Variants in CSPP1 observed in about 807,000 individuals in gnomAD.
CSPP1 encodes centrosome and spindle pole associated protein 1.
In CSPP1, 126 loss-of-function variants were observed where a neutral mutation model predicts 164.4. That is an observed-to-expected ratio of 0.77 (90% CI 0.66 to 0.89). The LOEUF (loss-of-function observed/expected upper bound fraction) is 0.89. Among genes scored for constraint, CSPP1 ranks in the 40% least tolerant of loss-of-function variants. CSPP1 has a pLI of 0.00. For missense variants in CSPP1, 1,395 were observed against 1,449.8 expected (o/e 0.96, Z 0.61); for synonymous variants, 472 against 476.7 (o/e 0.99, Z 0.13).
At chr8:67,183,878 A>T (rs113168267) in intron 28 of CSPP1, among the ~76,000 whole-genome samples, 3,786 of 139,986 alleles carry the variant, frequency 0.027, 119 homozygotes, top group African/African-American at 0.076. Flanking sequence ...TTTTAGACAA[A>T]GTCTTGCTGT....
intron 27 of CSPP1, 70 bp downstream of exon 27, chr8:67,177,796 A>G: frequency 9.6e-7 from 1 of 1,041,402 alleles, no homozygotes; most frequent in Admixed American, 1.7e-5. Context: ...TATGATGATC[A>G]AGTAATTCAA....
chr8:67,064,616 A>C (rs1330669519), intron 1 of CSPP1, 78 bp downstream of exon 1: 1 of 1,117,702 alleles, frequency 8.9e-7, no homozygotes, highest in East Asian at 6.8e-5. Context: ...GGGCAGGGGC[A>C]GTGGCTCCCT....
rs748995145 is a variant in CSPP1 at position 67,179,911 on chromosome 8, G to A, written c.3205G>A (p.Asp1069Asn). ...CTTGAAAAACTCATTATTGGAATCTGATAGTGCTTTTATTGGTGAGTATAT... is the reference window on the plus strand; with the variant it reads ...CTTGAAAAACTCATTATTGGAATCTAATAGTGCTTTTATTGGTGAGTATAT... ...DFLKNSLLESDSAFIGAYGET... is the reference protein window; with the variant it reads ...DFLKNSLLESNSAFIGAYGET... Residue 1069 changes from aspartate to asparagine, a missense_variant, in exon 28 of 31, where the codon GAT becomes AAT. Transcript: ENST00000678616. The A allele has an allele frequency of 6.4e-7, 1 of 1,573,376 alleles. No homozygotes were observed. Among genetic ancestry groups the A allele is most frequent in the Non-Finnish European group, 8.7e-7 (1 of 1,143,922 alleles).
chr8:67,155,915 A>G (rs1826580149), intron 19 of CSPP1, among the ~76,000 whole-genome samples: 1 of 152,180 alleles, frequency 6.6e-6, no homozygotes, highest in Admixed American at 6.5e-5. Flanking sequence ...CAGAAACAAT[A>G]TAGATATTAA....
intron 7 of CSPP1, among the ~76,000 whole-genome samples, chr8:67,100,659 A>G (rs1019197155): frequency 6.6e-6 from 1 of 151,160 alleles, no homozygotes; most frequent in Non-Finnish European, 1.5e-5. Flanking sequence ...GGCTCACTGC[A>G]ACCTCTGCCT....
At chr8:67,089,233 T>G (rs888287054) in intron 4 of CSPP1, among the ~76,000 whole-genome samples, 9 of 152,180 alleles carry the variant, frequency 5.9e-5, no homozygotes, top group African/African-American at 1.7e-4. Flanking sequence ...TTTTTTCCTG[T>G]GCCCTTCCTG....
At chr8:67,101,662 A>T (rs1311193842) in intron 7 of CSPP1, among the ~76,000 whole-genome samples, 1 of 152,204 alleles carries the variant, frequency 6.6e-6, no homozygotes, top group African/African-American at 2.4e-5. Context: ...TAAGATTAAA[A>T]TTCCAAATAG....
At chr8:67,069,774 T>A (rs964848450) in intron 1 of CSPP1, among the ~76,000 whole-genome samples, 1 of 151,810 alleles carries the variant, frequency 6.6e-6, no homozygotes, top group African/African-American at 2.4e-5. Context: ...TTCTCCTGCC[T>A]CAGTGTCCCC....
chr8:67,116,943 T>G (rs1272684836), intron 13 of CSPP1, among the ~76,000 whole-genome samples: 4 of 152,166 alleles, frequency 2.6e-5, no homozygotes, highest in Non-Finnish European at 5.9e-5. Flanking sequence ...GGCTTTGTGT[T>G]TTTTATCTGA....
At chr8:67,172,316 G>T in intron 24 of CSPP1, 100 bp from the exon 25 acceptor site, 1 of 851,530 alleles carries the variant, frequency 1.2e-6, no homozygotes, top group South Asian at 1.6e-5. Context: ...TTAATAATAT[G>T]ATGTGGTGAA....
At chr8:67,136,471 G>C (rs1464798734) in intron 16 of CSPP1, among the ~76,000 whole-genome samples, 1 of 151,276 alleles carries the variant, frequency 6.6e-6, no homozygotes, top group African/African-American at 2.4e-5. Flanking sequence ...CTGGAGGCTG[G>C]GGCAGGAGAA....
chr8:67,081,122 G>T (rs780182401), intron 3 of CSPP1: 3 of 152,102 alleles, frequency 2.0e-5, no homozygotes, highest in Admixed American at 1.3e-4. Flanking sequence ...GATTCACTTC[G>T]TTAGTATAAA....
intron 17 of CSPP1, among the ~76,000 whole-genome samples, chr8:67,147,234 C>T (rs1251485449): frequency 6.6e-6 from 1 of 152,112 alleles, no homozygotes; most frequent in Non-Finnish European, 1.5e-5. Flanking sequence ...GATTGCATTC[C>T]CTAAGCACTC....
intron 15 of CSPP1, among the ~76,000 whole-genome samples, chr8:67,124,716 C>T (rs990199441): frequency 6.6e-6 from 1 of 152,154 alleles, no homozygotes; most frequent in African/African-American, 2.4e-5. Context: ...GGATCTCACT[C>T]TGTCACCCAG....
intron 3 of CSPP1, among the ~76,000 whole-genome samples, chr8:67,082,750 T>TA (rs1466798844): frequency 6.6e-6 from 1 of 152,220 alleles, no homozygotes; most frequent in Admixed American, 6.5e-5. Context: ...CCACAACTGT[T>TA]ATAGAAACCA....
rs553988238 is a variant in CSPP1, at chr8:67,074,257, C to T, written c.5C>T (p.Ala2Val). ...TTTTTTTAAAGAATCTGCAAAATGG[C>T]TGATAATTTGGATGAATTTATTGAA... The part of the protein sequence containing the change: M[A>V]DNLDEFIEEQ... The change falls in exon 2 of 31, where the codon GCT (alanine) becomes GTT (valine). Residue 2 changes from alanine to valine, a missense_variant. Ala to Val is a moderately conservative substitution (Grantham distance 64, BLOSUM62 0). Transcript: ENST00000678616. The T allele has an allele frequency of 2.7e-5, 44 of 1,603,612 alleles. No homozygotes were observed. In the Admixed American group the frequency reaches 3.1e-4, roughly 11 times the overall value.
At chr8:67,192,078 GT>G (rs71249424) in intron 29 of CSPP1, among the ~76,000 whole-genome samples, 81 of 127,686 alleles carry the variant, frequency 6.3e-4, no homozygotes, top group African/African-American at 1.6e-3. Context: ...TTTTTTTTTT[GT>G]TTTTTTTTTT....
rs1821623743 is a variant in CSPP1, at chr8:67,133,366, TCCA to T, written c.1827+1287_1827+1289del. 2.0e-5 allele frequency among the ~76,000 whole-genome samples: 3 copies of T among 152,306 alleles called. No individual in the cohort carries two copies. In the East Asian group the frequency reaches 5.8e-4, roughly 29 times the overall value. On this transcript the variant is annotated intron_variant, in intron 16 of 30. Transcript: ENST00000678616. ...TTTACAGAAGTATTGCAGGTTTAGT[TCCA>T]GACCACAGCAATAAAGCAAATATCA...
intron 4 of CSPP1, among the ~76,000 whole-genome samples, chr8:67,087,946 C>G (rs1810750401): frequency 6.6e-6 from 1 of 152,182 alleles, no homozygotes; most frequent in African/African-American, 2.4e-5. Flanking sequence ...AGCTATTTTC[C>G]AGAATGATTC....
Sources: gnomAD v4.1 joint callset for allele counts (sites outside exome capture counted in the v4.1 genomes callset) on GRCh38, gnomAD v4.1.1 for gene constraint, MANE v1.5 for transcripts, NCBI Gene and HGNC (gene_info 2026-07-23, HGNC 2026-07-21) for gene names.